Variants in ZSWIM5 observed in about 807,000 individuals in gnomAD.
The protein encoded by ZSWIM5 is zinc finger SWIM domain-containing protein 5.
A neutral mutation model predicts 119.6 loss-of-function variants in ZSWIM5; 55 were observed. That is an observed-to-expected ratio of 0.46 (90% CI 0.37 to 0.58). The LOEUF is 0.58. Among genes scored for constraint, ZSWIM5 ranks in the 20% least tolerant of loss-of-function variants. The probability of loss-of-function intolerance (pLI) is 0.00; values close to 1 mark genes in which losing one functional copy is unlikely to be tolerated. For missense variants in ZSWIM5, 1,193 were observed against 1,512.8 expected, an observed-to-expected ratio of 0.79 and a Z score of 3.51; for synonymous variants, 537 against 606.9, an observed-to-expected ratio of 0.88 and a Z score of 1.69.
chr1:45,102,253 A>T (rs1407933626), intron 1 of ZSWIM5, among the ~76,000 whole-genome samples: 1 of 152,074 alleles, frequency 6.6e-6, no homozygotes, highest in Non-Finnish European at 1.5e-5. Context: ...CATTCCAAAC[A>T]CACCAAACTA....
At chr1:45,190,113 A>G (rs1646082393) in intron 1 of ZSWIM5, among the ~76,000 whole-genome samples, 1 of 152,178 alleles carries the variant, frequency 6.6e-6, no homozygotes, top group Non-Finnish European at 1.5e-5. Flanking sequence ...CAGGAGTTCA[A>G]GACCAGCTTG....
intron 1 of ZSWIM5, among the ~76,000 whole-genome samples, chr1:45,201,615 A>T (rs1300414254): frequency 6.6e-6 from 1 of 152,144 alleles, no homozygotes; most frequent in Non-Finnish European, 1.5e-5. Flanking sequence ...ATATATTTTT[A>T]AAATTCCTAA....
chr1:45,032,829 T>C (rs1030518796), intron 11 of ZSWIM5, among the ~76,000 whole-genome samples: 8 of 151,968 alleles, frequency 5.3e-5, no homozygotes, highest in African/African-American at 1.7e-4. Flanking sequence ...GGGTTTTTTT[T>C]CCCACTGTTT....
chr1:45,165,735 T>G (rs1370856975), intron 1 of ZSWIM5, among the ~76,000 whole-genome samples: 1 of 152,166 alleles, frequency 6.6e-6, no homozygotes, highest in Non-Finnish European at 1.5e-5. Flanking sequence ...GATAAATTCC[T>G]GAACACATAC....
chr1:45,176,148 T>C (rs1389108208), intron 1 of ZSWIM5, among the ~76,000 whole-genome samples: 5 of 148,486 alleles, frequency 3.4e-5, no homozygotes, highest in African/African-American at 1.2e-4. Flanking sequence ...ATATATATAA[T>C]ATATATTATA....
At chr1:45,163,574 T>C (rs1475083456) in intron 1 of ZSWIM5, among the ~76,000 whole-genome samples, 2 of 152,026 alleles carry the variant, frequency 1.3e-5, no homozygotes, top group Non-Finnish European at 2.9e-5. Flanking sequence ...TTGAAAACCT[T>C]GAAAAAAGAT....
At chr1:45,160,923 G>C (rs538549911) in intron 1 of ZSWIM5, among the ~76,000 whole-genome samples, 2 of 149,460 alleles carry the variant, frequency 1.3e-5, no homozygotes, top group African/African-American at 4.9e-5. Context: ...CCGGGTTCAC[G>C]CCATTCTCCT....
At chr1:45,056,165 G>A (rs1322883927) in intron 4 of ZSWIM5, among the ~76,000 whole-genome samples, 1 of 152,130 alleles carries the variant, frequency 6.6e-6, no homozygotes, top group African/African-American at 2.4e-5. Flanking sequence ...AGAATGGAGG[G>A]GAGCAAATGG....
chr1:45,115,957 A>C (rs1456860929), intron 1 of ZSWIM5, among the ~76,000 whole-genome samples: 1 of 152,056 alleles, frequency 6.6e-6, no homozygotes, highest in Admixed American at 6.5e-5. Context: ...CTCCAGCAAA[A>C]ACCAGTCAGG....
chr1:45,020,780 A>G lies in ZSWIM5; in HGVS notation c.2458T>C (p.Leu820=), dbSNP rs1377464467. The part of the protein sequence containing the change: ...TMLTAAKGDT[L]RLRTILEAIQ... ...GCTTCCAGAATTGTTCGGAGTCTCA[A>G]AGTGTCTCCTATAGGTGTCAAGAGA... is the stretch of plus-strand genomic sequence containing the variant. The change falls in exon 12 of 14, where the codon TTG becomes CTG. Residue 820 remains leucine, a synonymous_variant. Coordinates refer to ENST00000359600, the MANE Select transcript of ZSWIM5 (RefSeq NM_020883.2). 2 of 1,614,086 alleles carry G rather than the reference A, an allele frequency of 1.2e-6. No homozygotes were observed. The highest frequency in any genetic ancestry group is 2.2e-5 in the South Asian group (2 of 91,068).
At chr1:45,201,615 A>G (rs1300414254) in intron 1 of ZSWIM5, among the ~76,000 whole-genome samples, 1 of 152,144 alleles carries the variant, frequency 6.6e-6, no homozygotes, top group East Asian at 1.9e-4. Flanking sequence ...ATATATTTTT[A>G]AAATTCCTAA....
intron 1 of ZSWIM5, among the ~76,000 whole-genome samples, chr1:45,122,731 G>C (rs1645600226): frequency 6.6e-6 from 1 of 152,120 alleles, no homozygotes; most frequent in Non-Finnish European, 1.5e-5. Context: ...AAAAAAGCCT[G>C]CTCTCTCTAA....
At chr1:45,065,774 T>C (rs1305899689) in intron 2 of ZSWIM5, among the ~76,000 whole-genome samples, 1 of 152,030 alleles carries the variant, frequency 6.6e-6, no homozygotes, top group Non-Finnish European at 1.5e-5. Context: ...TACAAGGAGT[T>C]GGTGTGATTG....
At chr1:45,068,190 C>T (rs1283230078) in intron 2 of ZSWIM5, among the ~76,000 whole-genome samples, 1 of 149,364 alleles carries the variant, frequency 6.7e-6, no homozygotes, top group Non-Finnish European at 1.5e-5. Flanking sequence ...GCAACCTCCG[C>T]CTCCAGGGTC....
intron 1 of ZSWIM5, among the ~76,000 whole-genome samples, chr1:45,095,928 C>G (rs1362713284): frequency 1.3e-5 from 2 of 152,094 alleles, no homozygotes; most frequent in African/African-American, 4.8e-5. Flanking sequence ...GTGCCTGGAA[C>G]CTGGTAGGCT....
chr1:45,057,687 G>C lies in ZSWIM5; in HGVS notation c.1252+922C>G, dbSNP rs1314256411. ...CCAAAACTTACTAGTGTGTGACCCT[G>C]AGTTCAGGGTATGGAAGATTCTGAA... On this transcript the variant is annotated intron_variant, in intron 4 of 13. Transcript: ENST00000359600. The surrounding 1 kb of genome is among the most constrained non-coding windows in gnomAD (Gnocchi z 4.7). Among the ~76,000 whole-genome samples, 2 of 152,216 alleles carry C rather than the reference G, an allele frequency of 1.3e-5. No homozygotes were observed.
chr1:45,159,016 T>C (rs1204105840), intron 1 of ZSWIM5, among the ~76,000 whole-genome samples: 1 of 152,142 alleles, frequency 6.6e-6, no homozygotes, highest in Non-Finnish European at 1.5e-5. Context: ...AGTGGAAAAT[T>C]TAAATGACAT....
chr1:45,038,164 G>A (rs1222765283), intron 8 of ZSWIM5, among the ~76,000 whole-genome samples: 1 of 152,126 alleles, frequency 6.6e-6, no homozygotes, highest in African/African-American at 2.4e-5. Flanking sequence ...AGAGTCTTGA[G>A]GCTCTATTAA....
In ZSWIM5 at chr1:45,057,486, G is replaced by C. The variant is rs1157752594; in HGVS notation, c.1252+1123C>G. Among the ~76,000 whole-genome samples, 2 of 152,130 alleles carry C rather than the reference G, an allele frequency of 1.3e-5. No individual in the cohort carries two copies. The highest frequency in any genetic ancestry group is 2.9e-5 in the Non-Finnish European group (2 of 68,014). ...AAGTTCACAGCACAATCCTGTGACT[G>C]GTTCAGAAATTAAGACATTCAGGCC... On this transcript the variant is annotated intron_variant, in intron 4 of 13. Transcript: ENST00000359600. The surrounding 1 kb of genome is among the most constrained non-coding windows in gnomAD (Gnocchi z 4.7).
Sources: allele counts gnomAD v4.1 joint callset (sites outside exome capture counted in the v4.1 genomes callset), GRCh38; gene constraint gnomAD v4.1.1; non-coding constraint Gnocchi (gnomAD v3.1); transcripts MANE v1.5; gene names NCBI Gene and HGNC (gene_info 2026-07-23, HGNC 2026-07-21).